The following OR4E2 variants were observed in gnomAD, a reference collection of about 807,000 sequenced individuals.
OR4E2 encodes the protein olfactory receptor 4E2.
A neutral mutation model predicts 11.0 loss-of-function variants in OR4E2; 9 were observed. That is an observed-to-expected ratio of 0.82 (90% CI 0.49 to 1.43). OR4E2 has a LOEUF of 1.43. Among genes scored for constraint, OR4E2 ranks in the 40% most tolerant of loss-of-function variants. The pLI is 0.00. For missense variants in OR4E2, 441 were observed against 382.0 expected (o/e 1.15, Z -1.29); for synonymous variants, 159 against 147.3 (o/e 1.08, Z -0.57).
In OR4E2 at chr14:21,657,553, G is replaced by GTCTC. The variant is rs1234140909; in HGVS notation, c.-103+983_-103+986dup. Among the ~76,000 whole-genome samples the GTCTC allele has an allele frequency of 3.5e-3, 388 of 111,908 alleles. 7 individuals carry two copies. The highest frequency in any genetic ancestry group is 0.01 in the African/African-American group (302 of 28,918). The allele number at this position is 111,908 out of a possible 152,430, so 73.4% of individuals were successfully genotyped here. On this transcript the variant is annotated intron_variant, in intron 2 of 3. Transcript: ENST00000641524. ...TCTTTCTTTCTTTCTTTTTCTGTCTGTCTCTCTCTCTCTCTCTCTCTCCCC... is the reference window on the plus strand; with the variant it reads ...TCTTTCTTTCTTTCTTTTTCTGTCTGTCTCTCTCTCTCTCTCTCTCTCTCTCCCC...
rs1468345667 is a variant in OR4E2 at position 21,665,063 on chromosome 14, T to C, written c.-8-12T>C. On this transcript the variant is annotated splice_polypyrimidine_tract_variant and intron_variant, in intron 3 of 3. Coordinates refer to ENST00000641524, the MANE Select transcript of OR4E2 (RefSeq NM_001001912.3). ...ATAAAACTAAATTAGCTTTCATTTT[T>C]TCCCCCCTAAGCTCATTGAATGGAC... 2 of 1,386,890 alleles carry C rather than the reference T, an allele frequency of 1.4e-6. No individual in the cohort carries two copies. The highest frequency in any genetic ancestry group is 1.4e-5 in the African/African-American group (1 of 68,994). The allele number at this position is 1,386,890 out of a possible 1,614,324, so 85.9% of individuals were successfully genotyped here.
chr14:21,663,448 C>G (rs1217914820), intron 3 of OR4E2, among the ~76,000 whole-genome samples: 1 of 151,716 alleles, frequency 6.6e-6, no homozygotes, highest in Non-Finnish European at 1.5e-5. Flanking sequence ...CCACTGCACT[C>G]CAGCCTGGGC....
intron 3 of OR4E2, among the ~76,000 whole-genome samples, chr14:21,663,298 T>C (rs1880437067): frequency 6.6e-6 from 1 of 151,950 alleles, no homozygotes; most frequent in South Asian, 2.1e-4. Context: ...GCTAACATGG[T>C]GAAACCCCGT....
chr14:21,663,523 A>G (rs545037832), intron 3 of OR4E2, among the ~76,000 whole-genome samples: 3 of 152,208 alleles, frequency 2.0e-5, no homozygotes, highest in African/African-American at 7.2e-5. Flanking sequence ...GCAAAAATGA[A>G]CATCTTATTT....
In OR4E2 at chr14:21,665,457, T is replaced by C. The variant is rs1744197359; in HGVS notation, c.375T>C (p.Ala125=). Residue 125 remains alanine (A), a synonymous_variant, in exon 4 of 4, where the codon GCT becomes GCC. Transcript: ENST00000641524. ...TTATGGCGTATGATCGTTACGTGGC[T>C]ATCTGCACTCCACTCCACTACCCCA... ...LIIMAYDRYV[A]ICTPLHYPNV... 1 of 1,613,980 alleles carries C rather than the reference T, an allele frequency of 6.2e-7. No individual in the cohort carries two copies.
At position 21,665,437 on chromosome 14, in the gene OR4E2, G is replaced by A. The variant is rs1392873054; in HGVS notation, c.355G>A (p.Ala119Thr). 13 of 1,613,704 alleles carry A rather than the reference G, an allele frequency of 8.1e-6. No homozygotes were observed. Among genetic ancestry groups the A allele is most frequent in the South Asian group, 1.1e-5 (1 of 91,040 alleles). ...CGAGATCTTTCTGCTGATCATTATG[G>A]CGTATGATCGTTACGTGGCTATCTG... is the stretch of plus-strand genomic sequence containing the variant. ...CAEIFLLIIM[A>T]YDRYVAICTP... Residue 119 changes from alanine to threonine, a missense_variant, in exon 4 of 4, where the codon GCG becomes ACG. By Grantham distance (58) the Ala-to-Thr change is moderately conservative. Transcript: ENST00000641524.
intron 1 of OR4E2, among the ~76,000 whole-genome samples, 174 bp from the exon 2 acceptor site, chr14:21,656,328 C>T (rs1037736167): frequency 6.6e-6 from 1 of 152,086 alleles, no homozygotes; most frequent in Non-Finnish European, 1.5e-5. Context: ...CCACTGCACT[C>T]CAGCCTAGGT....
chr14:21,653,978 CAAAT>C (rs923759631), intron 1 of OR4E2, 39 bp downstream of exon 1: 5 of 152,074 alleles, frequency 3.3e-5, no homozygotes, highest in Non-Finnish European at 7.4e-5. Context: ...TTATTTTAAA[CAAAT>C]AAGATAGATA....
At chr14:21,657,061 T>C (rs1879987880) in intron 2 of OR4E2, among the ~76,000 whole-genome samples, 1 of 152,234 alleles carries the variant, frequency 6.6e-6, no homozygotes, top group Admixed American at 6.5e-5. Flanking sequence ...CACATAATTA[T>C]AGGATGAATG....
intron 3 of OR4E2, among the ~76,000 whole-genome samples, chr14:21,661,005 A>G (rs1448522225): frequency 5.9e-5 from 9 of 152,200 alleles, no homozygotes; most frequent in Admixed American, 5.9e-4. Flanking sequence ...ATTAAAGATA[A>G]CAGCAGTAGG....
At position 21,665,532 on chromosome 14, in the gene OR4E2, G is replaced by T; in HGVS notation, c.450G>T (p.Leu150Phe). 3 of 1,614,066 alleles carry T rather than the reference G, an allele frequency of 1.9e-6. No individual in the cohort carries two copies. Among genetic ancestry groups the T allele is most frequent in the East Asian group, 4.5e-5 (2 of 44,882 alleles). The part of the protein sequence containing the change: ...VCIQLVFALW[L>F]GGTVHSLGQT... ...TACAGCTTGTCTTTGCTCTCTGGTT[G>T]GGGGGTACTGTTCACTCACTAGGGC... is the stretch of plus-strand genomic sequence containing the variant. Residue 150 changes from leucine to phenylalanine, a missense_variant, in exon 4 of 4, where the codon TTG (leucine) becomes TTT (phenylalanine). Leu to Phe is a conservative substitution (Grantham distance 22). Coordinates refer to ENST00000641524, the MANE Select transcript of OR4E2 (RefSeq NM_001001912.3).
intron 2 of OR4E2, among the ~76,000 whole-genome samples, chr14:21,660,291 T>TG (rs1880246110): frequency 6.6e-6 from 1 of 152,196 alleles, no homozygotes; most frequent in Admixed American, 6.5e-5. Context: ...CAGGTGGTGA[T>TG]GCTGAAGCAC....
chr14:21,665,112 T>A lies in OR4E2; in HGVS notation c.30T>A (p.Thr10=). 1 of 1,612,340 alleles carries A rather than the reference T, an allele frequency of 6.2e-7. No individual in the cohort carries two copies. The change falls in exon 4 of 4, where the codon ACT becomes ACA. Residue 10 remains threonine (T), a synonymous_variant. Coordinates refer to ENST00000641524, the MANE Select transcript of OR4E2 (RefSeq NM_001001912.3). The stretch of plus-strand genomic sequence containing the variant: ...ACAGTCTAAACCAAACAAGAGTGAC[T>A]GAATTTGTCTTCTTGGGACTCACTG... MDSLNQTRV[T]EFVFLGLTDN...
chr14:21,656,846 C>T (rs766823793), intron 2 of OR4E2, among the ~76,000 whole-genome samples: 9 of 152,182 alleles, frequency 5.9e-5, no homozygotes, highest in South Asian at 2.1e-4. Flanking sequence ...AACACACATA[C>T]GCACACCCTC....
At chr14:21,656,068 A>G (rs1879926315) in intron 1 of OR4E2, among the ~76,000 whole-genome samples, 1 of 152,090 alleles carries the variant, frequency 6.6e-6, no homozygotes, top group Non-Finnish European at 1.5e-5. Flanking sequence ...ACTTGAGCCC[A>G]GGAATTTGAG....
At position 21,666,049 on chromosome 14, in the gene OR4E2, T is replaced by C. The variant is rs1880633390; in HGVS notation, c.*25T>C. 1 of 1,510,382 alleles carries C rather than the reference T, an allele frequency of 6.6e-7. No individual in the cohort carries two copies. The highest frequency in any genetic ancestry group is 2.3e-5 in the East Asian group (1 of 44,254). 93.6% of individuals were successfully genotyped at this position (1,510,382 alleles called of 1,614,324 possible). A position where few individuals can be genotyped will look rare whatever the true frequency, so the allele number is the denominator to read the frequency against. On this transcript the variant is annotated 3_prime_UTR_variant, in exon 4 of 4. Transcript: ENST00000641524. ...ATGGGCACTGGGATTGCAGACATAA[T>C]TGCAGCCACATCCTTAATGAAAGAG...
intron 3 of OR4E2, among the ~76,000 whole-genome samples, chr14:21,663,797 A>G (rs1161173654): frequency 6.6e-6 from 1 of 152,130 alleles, no homozygotes; most frequent in East Asian, 1.9e-4. Context: ...ACAGGTGTAG[A>G]GTGGGTCCAC....
chr14:21,655,387 G>C (rs892317714), intron 1 of OR4E2, among the ~76,000 whole-genome samples: 1 of 152,104 alleles, frequency 6.6e-6, no homozygotes, highest in Non-Finnish European at 1.5e-5. Context: ...TTTTCTTACC[G>C]GGCCCCATGG....
chr14:21,655,090 G>A (rs1006011303), intron 1 of OR4E2, among the ~76,000 whole-genome samples: 2 of 152,100 alleles, frequency 1.3e-5, no homozygotes, highest in Non-Finnish European at 2.9e-5. Context: ...CCAAATAACT[G>A]GGTACCATGG....
Sources: allele counts gnomAD v4.1 joint callset (sites outside exome capture counted in the v4.1 genomes callset), GRCh38; gene constraint gnomAD v4.1.1; transcripts MANE v1.5; gene names NCBI Gene and HGNC (gene_info 2026-07-23, HGNC 2026-07-21).